SLC14A2: variants seen among roughly 807,000 people sequenced by gnomAD.
The protein encoded by SLC14A2 is solute carrier family 14 member 2.
Under a neutral mutation model 104.6 loss-of-function variants are expected in SLC14A2, and 91 were observed. That is an observed-to-expected ratio of 0.87 (90% CI 0.73 to 1.04). SLC14A2 has a LOEUF of 1.04. SLC14A2 is among the 50% of genes least tolerant of loss of function. SLC14A2 has a pLI of 0.00. For synonymous variants in SLC14A2, 476 were observed against 466.4 expected, an observed-to-expected ratio of 1.02 and a Z score of -0.27; for missense variants, 1,189 against 1,156.0, an observed-to-expected ratio of 1.03 and a Z score of -0.41.
chr18:45,619,518 G>T (rs1178250684), intron 1 of SLC14A2, among the ~76,000 whole-genome samples: 1 of 152,200 alleles, frequency 6.6e-6, no homozygotes, highest in African/African-American at 2.4e-5. Flanking sequence ...TTTGAGGCCT[G>T]GTTTTTGGAG....
At chr18:45,438,398 C>T (rs2086630345) in intron 1 of SLC14A2, 1 of 152,142 alleles carries the variant, frequency 6.6e-6, no homozygotes, top group Non-Finnish European at 1.5e-5. Flanking sequence ...AATTTACCTC[C>T]TGTTATCTGT....
At chr18:45,356,974 C>T (rs1420520724) in intron 1 of SLC14A2, among the ~76,000 whole-genome samples, 1 of 152,200 alleles carries the variant, frequency 6.6e-6, no homozygotes, top group East Asian at 1.9e-4. Flanking sequence ...TAGAACACAG[C>T]AGGAAGGATG....
At chr18:45,404,716 A>C (rs1568185419) in intron 1 of SLC14A2, among the ~76,000 whole-genome samples, 1 of 152,174 alleles carries the variant, frequency 6.6e-6, no homozygotes, top group Non-Finnish European at 1.5e-5. Context: ...CTGAAACTGG[A>C]GTTCCACTTG....
intron 1 of SLC14A2, among the ~76,000 whole-genome samples, chr18:45,421,290 G>A (rs1488797357): frequency 6.7e-6 from 1 of 149,420 alleles, no homozygotes; most frequent in Non-Finnish European, 1.5e-5. Context: ...CCATTTACTG[G>A]CTCTTTCCAA....
rs61017805 is a variant in SLC14A2 at position 45,346,097 on chromosome 18, T to C, written c.-125+132906T>C. Among the ~76,000 whole-genome samples, 275 of 152,316 alleles carry C rather than the reference T, an allele frequency of 1.8e-3. 5 individuals carry two copies. Among genetic ancestry groups the C allele is most frequent in the African/African-American group, 6.2e-3 (259 of 41,572 alleles). ...CTTCTATTCGCACATGTTTTCATGA[T>C]CTGTATTTTCTCTTCTATGAATTGA... On this transcript the variant is annotated intron_variant, in intron 1 of 20. Transcript: ENST00000586448.
At chr18:45,418,891 C>T (rs1483221667) in intron 1 of SLC14A2, among the ~76,000 whole-genome samples, 1 of 152,094 alleles carries the variant, frequency 6.6e-6, no homozygotes, top group Admixed American at 6.6e-5. Context: ...AGTGCAGTGT[C>T]AGAGGAGGGG....
the SLC14A2 span, among the ~76,000 whole-genome samples, chr18:45,178,274 TTTTGCA>T: frequency 0.034 from 5,117 of 152,188 alleles, 283 homozygotes; most frequent in African/African-American, 0.12. Context: ...TTGAAAACAG[TTTTGCA>T]TTCTTAAGCA....
rs77096304 is a variant in SLC14A2, at chr18:45,222,654, G to T, written c.-125+9463G>T. ...AACAAGAAGGCAGAGGTGAGAAAGA[G>T]AAAAGCTTATTCAAGGAAGAGTCAT... On this transcript the variant is annotated intron_variant, in intron 1 of 20. Transcript: ENST00000586448. 6.4e-3 allele frequency among the ~76,000 whole-genome samples: 972 copies of T among 151,364 alleles called. 19 individuals carry two copies. The highest frequency in any genetic ancestry group is 0.022 in the African/African-American group (920 of 40,976).
At chr18:45,193,638 A>G in the SLC14A2 span, among the ~76,000 whole-genome samples, 6 of 152,328 alleles carry the variant, frequency 3.9e-5, no homozygotes, top group South Asian at 1.0e-3. Context: ...CCTTGAAATC[A>G]GGTAGTGTTA....
chr18:45,516,153 T>C (rs2043437684), intron 2 of SLC14A2, among the ~76,000 whole-genome samples: 1 of 152,224 alleles, frequency 6.6e-6, no homozygotes. Context: ...GAAGAAAATA[T>C]AAACTCTCCA....
chr18:45,480,162 G>A (rs934647647), intron 1 of SLC14A2, among the ~76,000 whole-genome samples: 1 of 152,148 alleles, frequency 6.6e-6, no homozygotes, highest in African/African-American at 2.4e-5. Flanking sequence ...GATATAATAG[G>A]TTTTGAGAAG....
In SLC14A2 at chr18:45,632,383, C is replaced by T. The variant is rs769403615; in HGVS notation, c.555C>T (p.Asn185=). ...TTGCCTCAGGACTCCATGGGTACAA[C>T]GGGATGCTGGTGGGACTGCTGATGG... The part of the protein sequence containing the change: ...SAIASGLHGY[N]GMLVGLLMAV... Residue 185 remains asparagine, a synonymous_variant, in exon 5 of 20, where the codon AAC becomes AAT. Coordinates refer to ENST00000255226, the MANE Select transcript of SLC14A2 (RefSeq NM_007163.4). 2.2e-5 allele frequency: 36 copies of T among 1,613,788 alleles called. No homozygotes were observed. The highest frequency in any genetic ancestry group is 1.4e-4 in the South Asian group (13 of 91,072).
intron 2 of SLC14A2, among the ~76,000 whole-genome samples, chr18:45,555,521 A>G (rs949143653): frequency 2.0e-5 from 3 of 152,242 alleles, no homozygotes; most frequent in African/African-American, 7.2e-5. Context: ...TACAATCTAC[A>G]GAAAAAAAGC....
chr18:45,665,111 C>T (rs1211416406), intron 11 of SLC14A2, among the ~76,000 whole-genome samples: 1 of 152,206 alleles, frequency 6.6e-6, no homozygotes, highest in African/African-American at 2.4e-5. Flanking sequence ...AATGGTGTCA[C>T]CTCCCAAACA....
At chr18:45,258,144 C>CCTAGAGGAGAATTTGA (rs1380292868) in intron 1 of SLC14A2, among the ~76,000 whole-genome samples, 1 of 145,030 alleles carries the variant, frequency 6.9e-6, no homozygotes, top group African/African-American at 2.7e-5. Context: ...AGGCATAAAT[C>CCTAGAGGAGAATTTGA]ACTTTTCCAA....
Position 45,536,329 on chromosome 18 carries a change from C to A in SLC14A2, c.-35+53007C>A, listed in dbSNP as rs1407661660. Among the ~76,000 whole-genome samples the A allele has an allele frequency of 5.3e-5, 8 of 152,328 alleles. No individual in the cohort carries two copies. In the East Asian group the frequency reaches 1.5e-3, roughly 29 times the overall value. On this transcript the variant is annotated intron_variant, in intron 2 of 20. Coordinates refer to the SLC14A2 transcript ENST00000586448. ...GTTCCACAAACTAGGTGGCTTAAAA[C>A]AACAGAAATTTATCCTTTCACAGTT...
chr18:45,431,606 G>A (rs1185707073), intron 1 of SLC14A2, among the ~76,000 whole-genome samples: 33 of 152,194 alleles, frequency 2.2e-4, no homozygotes, highest in Admixed American at 2.2e-3. Context: ...GACACAGAAA[G>A]CTGGACGTTA....
intron 1 of SLC14A2, among the ~76,000 whole-genome samples, chr18:45,477,845 G>A (rs367830259): frequency 1.3e-5 from 2 of 152,100 alleles, no homozygotes; most frequent in East Asian, 1.9e-4. Flanking sequence ...AACCAACCTC[G>A]AGCATCCCAG....
At chr18:45,176,688 C>G in the SLC14A2 span, among the ~76,000 whole-genome samples, 2 of 152,186 alleles carry the variant, frequency 1.3e-5, no homozygotes, top group African/African-American at 4.8e-5. Context: ...TTCACACACC[C>G]TCTCCTGATT....
Sources: allele counts gnomAD v4.1 joint callset (sites outside exome capture counted in the v4.1 genomes callset), GRCh38; gene constraint gnomAD v4.1.1; transcripts MANE v1.5; gene names NCBI Gene and HGNC (gene_info 2026-07-23, HGNC 2026-07-21).